Variants in DKK3 observed in about 807,000 individuals in gnomAD.
DKK3 encodes the protein dickkopf Wnt signaling pathway inhibitor 3.
Under a neutral mutation model 33.2 loss-of-function variants are expected in DKK3, and 22 were observed. That is an observed-to-expected ratio of 0.66 (90% CI 0.47 to 0.95). The LOEUF (loss-of-function observed/expected upper bound fraction) is 0.95. Among genes scored for constraint, DKK3 ranks in the 40% least tolerant of loss-of-function variants. The pLI, the probability that DKK3 is intolerant of heterozygous loss-of-function variation, is 0.00. For synonymous variants in DKK3, 194 were observed against 188.8 expected (o/e 1.03, Z -0.23); for missense variants, 398 against 458.4 (o/e 0.87, Z 1.20).
chr11:11,983,360 T>TGA (rs1463016690), intron 3 of DKK3, among the ~76,000 whole-genome samples: 1 of 152,212 alleles, frequency 6.6e-6, no homozygotes, highest in Non-Finnish European at 1.5e-5. Context: ...CACATGGACT[T>TGA]GAGAGAACTG....
upstream of DKK3, chr11:12,009,394 A>T (rs936837929): frequency 1.3e-6 from 1 of 786,534 alleles, no homozygotes; most frequent in Non-Finnish European, 1.4e-6. Flanking sequence ...CCGCCCGCCC[A>T]CCAGGCCCAC....
In DKK3 at chr11:11,964,362, G is replaced by T. The variant is rs1847527802; in HGVS notation, c.*102C>A. On this transcript the variant is annotated 3_prime_UTR_variant, in exon 7 of 7. Coordinates refer to ENST00000683431, the MANE Select transcript of DKK3 (RefSeq NM_001018057.2). ...AGCCAGAGGGGAAACTTACTGGGAA[G>T]AAGATGTAGGAAGAAGCCTGGTCAG... 1.4e-6 allele frequency: 2 copies of T among 1,423,258 alleles called. No individual in the cohort carries two copies. Among genetic ancestry groups the T allele is most frequent in the Admixed American group, 4.2e-5 (2 of 47,400 alleles). 88.2% of individuals were successfully genotyped at this position (1,423,258 alleles called of 1,614,324 possible). A position where few individuals can be genotyped will look rare whatever the true frequency, so the allele number is the denominator to read the frequency against.
chr11:11,996,364 A>G (rs941452352), intron 3 of DKK3, among the ~76,000 whole-genome samples: 1 of 152,236 alleles, frequency 6.6e-6, no homozygotes, highest in Non-Finnish European at 1.5e-5. Context: ...CCCTAGGTCA[A>G]CTGTGCCCAG....
intron 3 of DKK3, among the ~76,000 whole-genome samples, chr11:11,995,239 C>T (rs546409275): frequency 1.3e-5 from 2 of 152,246 alleles, no homozygotes; most frequent in Non-Finnish European, 2.9e-5. Context: ...GCCACCAGGC[C>T]CGGCTAATTT....
Position 11,964,546 on chromosome 11 carries a change from A to G in DKK3, c.971T>C (p.Leu324Pro). ...CATCTCTTCAGTCAGGCTCCTCTCC[A>G]GGTCCTCCAGCTCCTGGCGCACCTC... ...MEEVRQELED[L>P]ERSLTEEMAL... Residue 324 changes from leucine to proline, a missense_variant, in exon 7 of 7, where the codon CTG (leucine) becomes CCG (proline). Leu to Pro is a moderately conservative substitution (Grantham distance 98, BLOSUM62 -3). Transcript: ENST00000683431. 2 of 1,614,092 alleles carry G rather than the reference A, an allele frequency of 1.2e-6. No individual in the cohort carries two copies. Among genetic ancestry groups the G allele is most frequent in the East Asian group, 2.2e-5 (1 of 44,884 alleles).
intron 3 of DKK3, among the ~76,000 whole-genome samples, chr11:11,973,833 T>G (rs1395494339): frequency 6.6e-6 from 1 of 152,224 alleles, no homozygotes; most frequent in East Asian, 1.9e-4. Context: ...AGAGAGGCTC[T>G]GAGTGAGCAG....
At chr11:11,990,941 C>T (rs570731360) in intron 3 of DKK3, among the ~76,000 whole-genome samples, 7 of 152,316 alleles carry the variant, frequency 4.6e-5, no homozygotes, top group East Asian at 1.9e-4. Flanking sequence ...GTTCCTGCCA[C>T]GGTTTCATGG....
intron 3 of DKK3, among the ~76,000 whole-genome samples, chr11:11,980,071 C>T (rs1463971004): frequency 6.6e-6 from 1 of 152,210 alleles, no homozygotes; most frequent in African/African-American, 2.4e-5. Flanking sequence ...CTACACCAGG[C>T]ACCCGGGAAC....
In DKK3 at chr11:11,968,573, A is replaced by C. The variant is rs571599969; in HGVS notation, c.436-86T>G. The C allele has an allele frequency of 1.7e-5, 23 of 1,323,360 alleles. No individual in the cohort carries two copies. The African/African-American group carries it at 3.3e-4, about 19-fold the overall frequency. The allele number at this position is 1,323,360 out of a possible 1,614,324, so 82.0% of individuals were successfully genotyped here. A position where few individuals can be genotyped will look rare whatever the true frequency, so the allele number is the denominator to read the frequency against. ...CCCAGGAAGGGCCAGGCCCGCTTCC[A>C]TTCCCCATTCTTGACCCCACAGGCT... On this transcript the variant is annotated intron_variant, in intron 3 of 6. Transcript: ENST00000683431.
intron 4 of DKK3, 127 bp from the exon 5 acceptor site, chr11:11,967,225 C>T: frequency 2.5e-6 from 3 of 1,218,678 alleles, no homozygotes; most frequent in South Asian, 3.1e-5. Flanking sequence ...GCAGACCAGG[C>T]TGAGATTTCA....
chr11:11,984,867 T>C (rs1848035269), intron 3 of DKK3, among the ~76,000 whole-genome samples: 1 of 152,166 alleles, frequency 6.6e-6, no homozygotes, highest in South Asian at 2.1e-4. Context: ...GGAATTATTC[T>C]TTCTTTTGCC....
rs374928215 is a variant in DKK3 at position 12,003,601 on chromosome 11, G to A, written c.214-1164C>T. 5.9e-5 allele frequency among the ~76,000 whole-genome samples: 9 copies of A among 152,228 alleles called. No individual in the cohort carries two copies. In the East Asian group the frequency reaches 1.5e-3, roughly 26 times the overall value. Reference sequence around the variant, plus strand: ...CTGTTCACAGCTGATGGGACCCAAAGGGAGGCCACATCATAGACTAATTGA... The same window carrying A: ...CTGTTCACAGCTGATGGGACCCAAAAGGAGGCCACATCATAGACTAATTGA... On this transcript the variant is annotated intron_variant, in intron 1 of 6. Coordinates refer to ENST00000683431, the MANE Select transcript of DKK3 (RefSeq NM_001018057.2).
chr11:12,009,512 C>G (rs573892853), upstream of DKK3: 52 of 937,982 alleles, frequency 5.5e-5, no homozygotes, highest in Middle Eastern at 1.7e-3. Context: ...CCAGCTCTAC[C>G]GAAGGCAGCC....
intron 3 of DKK3, among the ~76,000 whole-genome samples, chr11:11,995,290 A>G (rs1464577677): frequency 1.3e-5 from 2 of 151,682 alleles, no homozygotes; most frequent in Non-Finnish European, 2.9e-5. Context: ...TCAATTTCTT[A>G]CCCCGGTTGG....
In DKK3 at chr11:11,983,128, T is replaced by C. The variant is rs554216059; in HGVS notation, c.436-14641A>G. ...ACACTACCCCGTCCTTGGGGATGGA[T>C]AGAGTTTCTCCAGATTGACTCAATT... On this transcript the variant is annotated intron_variant, in intron 3 of 6. Coordinates refer to ENST00000683431, the MANE Select transcript of DKK3 (RefSeq NM_001018057.2). Among the ~76,000 whole-genome samples, 629 of 152,364 alleles carry C rather than the reference T, an allele frequency of 4.1e-3. 4 individuals carry two copies. Among genetic ancestry groups the C allele is most frequent in the Non-Finnish European group, 6.6e-3 (451 of 68,038 alleles).
intron 3 of DKK3, among the ~76,000 whole-genome samples, chr11:11,993,528 T>C (rs1220038073): frequency 4.6e-5 from 7 of 152,180 alleles, no homozygotes; most frequent in Admixed American, 4.6e-4. Flanking sequence ...TACAACTTAA[T>C]ATACCAGGTA....
intron 3 of DKK3, among the ~76,000 whole-genome samples, chr11:11,977,214 C>A (rs574707900): frequency 6.6e-6 from 1 of 152,276 alleles, no homozygotes; most frequent in African/African-American, 2.4e-5. Context: ...TGCTCCTAAC[C>A]CTTTAGTGCC....
At chr11:12,009,052 A>G (rs1367582579), upstream of DKK3, 2 of 987,044 alleles carry the variant, frequency 2.0e-6, no homozygotes, top group Admixed American at 1.2e-4. Flanking sequence ...GGGTGGACCA[A>G]GCACAGGTCA....
chr11:12,002,503 A>T, intron 1 of DKK3, 66 bp from the exon 2 acceptor site: 3 of 1,495,028 alleles, frequency 2.0e-6, no homozygotes, highest in Non-Finnish European at 2.7e-6. Context: ...GTCTATTAGA[A>T]AAAAAAAATC....
Sources: allele counts gnomAD v4.1 joint callset (sites outside exome capture counted in the v4.1 genomes callset), GRCh38; gene constraint gnomAD v4.1.1; transcripts MANE v1.5; gene names NCBI Gene and HGNC (gene_info 2026-07-23, HGNC 2026-07-21).